The following PDSS2 variants were observed in gnomAD, a reference collection of about 807,000 sequenced individuals.
PDSS2 encodes decaprenyl diphosphate synthase subunit 2.
A neutral mutation model predicts 44.5 loss-of-function variants in PDSS2; 31 were observed. The observed-to-expected ratio is 0.70, with a 90% CI of 0.52 to 0.94. The LOEUF (loss-of-function observed/expected upper bound fraction) is 0.94. Ranked by LOEUF, PDSS2 falls within the 40% of genes least tolerant of loss-of-function variation. PDSS2 has a pLI of 0.00. For synonymous variants in PDSS2, 157 were observed against 180.3 expected (o/e 0.87, Z 1.03); for missense variants, 452 against 482.2 (o/e 0.94, Z 0.59).
chr6:107,319,415 T>G (rs1339558952), intron 2 of PDSS2, among the ~76,000 whole-genome samples: 1 of 152,122 alleles, frequency 6.6e-6, no homozygotes, highest in African/African-American at 2.4e-5. Context: ...CCCACGCAAA[T>G]AGAGGTCATG....
At chr6:107,327,640 G>C (rs1777589740) in intron 2 of PDSS2, among the ~76,000 whole-genome samples, 1 of 152,126 alleles carries the variant, frequency 6.6e-6, no homozygotes, top group Admixed American at 6.6e-5. Context: ...TGTATTTTTA[G>C]TAGAGACAGG....
intron 2 of PDSS2, among the ~76,000 whole-genome samples, chr6:107,307,549 T>TGA (rs576705195): frequency 2.3e-4 from 35 of 151,982 alleles, no homozygotes; most frequent in Non-Finnish European, 3.8e-4. Flanking sequence ...AACAGGCAGT[T>TGA]GAGAGGGTGG....
At chr6:107,311,632 A>G (rs1777049814) in intron 2 of PDSS2, among the ~76,000 whole-genome samples, 1 of 152,228 alleles carries the variant, frequency 6.6e-6, no homozygotes, top group Non-Finnish European at 1.5e-5. Context: ...TATGAGAAAA[A>G]TAAAAGCAGA....
At chr6:107,187,680 CCT>C in intron 7 of PDSS2, among the ~76,000 whole-genome samples, 1 of 150,774 alleles carries the variant, frequency 6.6e-6, no homozygotes, top group Admixed American at 6.6e-5. Flanking sequence ...AAAAAAAAAA[CCT>C]CTTAAAATGA....
At chr6:107,159,130 C>A (rs1771022008) in intron 7 of PDSS2, among the ~76,000 whole-genome samples, 1 of 152,054 alleles carries the variant, frequency 6.6e-6, no homozygotes, top group Non-Finnish European at 1.5e-5. Context: ...GCCTAAATCA[C>A]AATAGATGCT....
chr6:107,260,979 G>A (rs1432809017), intron 3 of PDSS2, among the ~76,000 whole-genome samples: 1 of 151,894 alleles, frequency 6.6e-6, no homozygotes, highest in Non-Finnish European at 1.5e-5. Context: ...CATTTTCATG[G>A]ACATTTGCTA....
intron 1 of PDSS2, among the ~76,000 whole-genome samples, chr6:107,345,158 C>G (rs1778202722): frequency 6.6e-6 from 1 of 151,788 alleles, no homozygotes; most frequent in Non-Finnish European, 1.5e-5. Flanking sequence ...AATTACACCT[C>G]CCACTACCAC....
chr6:107,155,215 G>A (rs1554245342), intron 7 of PDSS2, among the ~76,000 whole-genome samples: 2 of 150,122 alleles, frequency 1.3e-5, no homozygotes, highest in African/African-American at 4.9e-5. Context: ...GTGCGATCTC[G>A]GCTCACTGCA....
chr6:107,194,895 A>G (rs1772500861), intron 6 of PDSS2, among the ~76,000 whole-genome samples: 1 of 152,134 alleles, frequency 6.6e-6, no homozygotes, highest in Non-Finnish European at 1.5e-5. Flanking sequence ...CGGAGACTGC[A>G]GTGGGCTGAG....
chr6:107,188,236 C>T (rs1008611801), intron 7 of PDSS2, among the ~76,000 whole-genome samples: 7 of 151,882 alleles, frequency 4.6e-5, no homozygotes, highest in African/African-American at 9.7e-5. Context: ...AAATTAGCTG[C>T]GCATTGGTGG....
At chr6:107,227,423 G>A (rs909806174) in intron 4 of PDSS2, among the ~76,000 whole-genome samples, 1 of 150,830 alleles carries the variant, frequency 6.6e-6, no homozygotes, top group Non-Finnish European at 1.5e-5. Flanking sequence ...TGAGTAGCTG[G>A]GATTACAGTT....
At chr6:107,231,496 C>T (rs576574942) in intron 4 of PDSS2, among the ~76,000 whole-genome samples, 103 of 152,300 alleles carry the variant, frequency 6.8e-4, no homozygotes, top group Non-Finnish European at 1.0e-3. Flanking sequence ...TTTATTTCAA[C>T]GCTCCTCCAG....
At chr6:107,199,874 C>G (rs145102258) in intron 6 of PDSS2, among the ~76,000 whole-genome samples, 1 of 152,030 alleles carries the variant, frequency 6.6e-6, no homozygotes. Flanking sequence ...TTAGCTGATG[C>G]CTTACATGTA....
At chr6:107,222,599 G>A (rs1773645255) in intron 4 of PDSS2, among the ~76,000 whole-genome samples, 1 of 145,020 alleles carries the variant, frequency 6.9e-6, no homozygotes, top group South Asian at 2.2e-4. Context: ...AGGTTGCAGT[G>A]AACCAAGATG....
At chr6:107,252,758 C>A (rs1455892986) in intron 3 of PDSS2, among the ~76,000 whole-genome samples, 1 of 152,102 alleles carries the variant, frequency 6.6e-6, no homozygotes, top group Non-Finnish European at 1.5e-5. Context: ...GTGAGATACC[C>A]ATCTCAACAA....
intron 1 of PDSS2, among the ~76,000 whole-genome samples, chr6:107,410,476 T>TTTTG (rs66478137): frequency 7.3e-5 from 11 of 151,274 alleles, no homozygotes; most frequent in East Asian, 5.9e-4. Flanking sequence ...CTACGCTGTT[T>TTTTG]TTTGTTTGTT....
At chr6:107,176,435 C>CACACACACACACACAT (rs1771791669) in intron 7 of PDSS2, among the ~76,000 whole-genome samples, 1 of 20,460 alleles carries the variant, frequency 4.9e-5, no homozygotes, top group African/African-American at 1.2e-4. Context: ...CACATACACA[C>CACACACACACACACAT]ACACACACAC....
intron 2 of PDSS2, among the ~76,000 whole-genome samples, chr6:107,326,047 GAA>G (rs1425551608): frequency 6.6e-6 from 1 of 151,770 alleles, no homozygotes; most frequent in African/African-American, 2.4e-5. Flanking sequence ...GAAACATGCT[GAA>G]TGCTGAGGTA....
intron 1 of PDSS2, among the ~76,000 whole-genome samples, chr6:107,343,835 A>T (rs1582967118): frequency 6.6e-6 from 1 of 152,338 alleles, no homozygotes; most frequent in South Asian, 2.1e-4. Context: ...AATAGTGTTT[A>T]AAAATGAAAA....
Sources: allele counts gnomAD v4.1 joint callset (sites outside exome capture counted in the v4.1 genomes callset), GRCh38; gene constraint gnomAD v4.1.1; transcripts MANE v1.5; gene names NCBI Gene and HGNC (gene_info 2026-07-23, HGNC 2026-07-21).